Variants in TBC1D1 observed in about 807,000 individuals in gnomAD.
TBC1D1 encodes the protein TBC1 (tre-2/USP6, BUB2, cdc16) domain family, member 1.
A neutral mutation model predicts 125.6 loss-of-function variants in TBC1D1; 89 were observed. The observed-to-expected ratio is 0.71, with a 90% CI of 0.60 to 0.85. The LOEUF is 0.85. Ranked by LOEUF, TBC1D1 falls within the 40% of genes least tolerant of loss-of-function variation. TBC1D1 has a pLI of 0.00. For missense variants in TBC1D1, 1,377 were observed against 1,469.2 expected (o/e 0.94, Z 1.03); for synonymous variants, 565 against 564.1 (o/e 1.00, Z -0.02).
intron 8 of TBC1D1, 59 bp from the exon 9 acceptor site, chr4:38,044,303 A>T: frequency 1.9e-6 from 3 of 1,542,772 alleles, no homozygotes; most frequent in Middle Eastern, 1.7e-4. Context: ...GAGATTTTTC[A>T]TTCCTTTAAG....
chr4:37,934,695 G>C (rs1457821573), intron 2 of TBC1D1, among the ~76,000 whole-genome samples: 2 of 152,168 alleles, frequency 1.3e-5, no homozygotes, highest in Non-Finnish European at 2.9e-5. Context: ...CAGTGTAGGA[G>C]GGGCTTTCTT....
chr4:38,133,066 CT>C lies in TBC1D1; in HGVS notation c.3133-14del. On this transcript the variant is annotated splice_polypyrimidine_tract_variant and intron_variant, in intron 18 of 19. Coordinates refer to ENST00000261439, the MANE Select transcript of TBC1D1 (RefSeq NM_015173.4). ...TTTTCTCAGTTTTAGTACGTGATGA[CT>C]TTTCTTTCTATAACAGGTATTTGAA... 1.2e-6 allele frequency: 2 copies of C among 1,601,092 alleles called. No individual in the cohort carries two copies. The highest frequency in any genetic ancestry group is 2.3e-5 in the South Asian group (2 of 88,838).
rs114224449 is a variant in TBC1D1 at position 38,108,320 on chromosome 4, C to T, written c.2557+5163C>T. Among the ~76,000 whole-genome samples the T allele has an allele frequency of 8.9e-3, 1,359 of 152,312 alleles. 15 individuals carry two copies. Among genetic ancestry groups the T allele is most frequent in the African/African-American group, 0.03 (1,260 of 41,558 alleles). ...CCATCAGCTGCATTCCCCAGTGAGG[C>T]GTGCAGCCTCTCCCATGATAGGAGG... is the stretch of plus-strand genomic sequence containing the variant. On this transcript the variant is annotated intron_variant, in intron 15 of 19. Transcript: ENST00000261439.
intron 2 of TBC1D1, among the ~76,000 whole-genome samples, chr4:37,967,047 G>A (rs1001664067): frequency 3.3e-5 from 5 of 152,168 alleles, no homozygotes; most frequent in African/African-American, 1.2e-4. Context: ...GCAGAGGTTT[G>A]TGGCACCATT....
chr4:38,034,590 G>A (rs945099721), intron 7 of TBC1D1, among the ~76,000 whole-genome samples: 3 of 152,186 alleles, frequency 2.0e-5, no homozygotes, highest in East Asian at 1.9e-4. Flanking sequence ...GTTAGCTGGG[G>A]AAGAAGTGAC....
chr4:37,936,262 T>C (rs1399402837), intron 2 of TBC1D1, among the ~76,000 whole-genome samples: 1 of 152,158 alleles, frequency 6.6e-6, no homozygotes, highest in African/African-American at 2.4e-5. Context: ...AGAACAACAA[T>C]AATAAAATGG....
intron 2 of TBC1D1, among the ~76,000 whole-genome samples, chr4:37,949,982 CT>C (rs1417795300): frequency 6.6e-6 from 1 of 152,004 alleles, no homozygotes; most frequent in Non-Finnish European, 1.5e-5. Flanking sequence ...TTACCATACC[CT>C]TTTTTACTGG....
intron 7 of TBC1D1, among the ~76,000 whole-genome samples, chr4:38,033,764 T>A (rs1233945958): frequency 6.6e-6 from 1 of 152,220 alleles, no homozygotes; most frequent in Admixed American, 6.5e-5. Flanking sequence ...TTTTGCCTTT[T>A]CCAGCATGTC....
intron 2 of TBC1D1, among the ~76,000 whole-genome samples, chr4:37,989,630 A>G (rs1048718941): frequency 1.3e-5 from 2 of 152,258 alleles, no homozygotes; most frequent in East Asian, 1.9e-4. Flanking sequence ...CACATTCTGC[A>G]TGAATTAAAC....
chr4:38,075,983 C>T (rs1381654357), intron 12 of TBC1D1, among the ~76,000 whole-genome samples: 1 of 152,076 alleles, frequency 6.6e-6, no homozygotes, highest in Non-Finnish European at 1.5e-5. Context: ...TGTGATGGCA[C>T]CTTGCTTGTT....
chr4:38,088,836 AGAATC>A (rs1214459880), intron 12 of TBC1D1, among the ~76,000 whole-genome samples: 2 of 152,214 alleles, frequency 1.3e-5, no homozygotes, highest in Admixed American at 1.3e-4. Flanking sequence ...AGTTTTGATT[AGAATC>A]CCAGCAGCCT....
Position 38,138,456 on chromosome 4 carries a change from C to T in TBC1D1, c.*1121C>T, listed in dbSNP as rs1159286855. On this transcript the variant is annotated 3_prime_UTR_variant, in exon 20 of 20. Coordinates refer to ENST00000261439, the MANE Select transcript of TBC1D1 (RefSeq NM_015173.4). ...TCAGGGGTGCCCCAAGAGTCTGGGA[C>T]TTTCAAAAAAAAAAGATCAGGCTGA... 6.7e-6 allele frequency: 1 copy of T among 149,512 alleles called. No homozygotes were observed. The highest frequency in any genetic ancestry group is 1.5e-5 in the Non-Finnish European group (1 of 67,914). The allele number at this position is 149,512 out of a possible 1,614,324, so 9.3% of individuals were successfully genotyped here. A position where few individuals can be genotyped will look rare whatever the true frequency, so the allele number is the denominator to read the frequency against.
At chr4:37,901,906 G>A (rs1245683091) in intron 1 of TBC1D1, 97 bp from the exon 2 acceptor site, 3 of 549,652 alleles carry the variant, frequency 5.5e-6, no homozygotes, top group South Asian at 2.9e-5. Context: ...TTATATTTGG[G>A]TTTCAGGCTT....
intron 2 of TBC1D1, among the ~76,000 whole-genome samples, chr4:37,967,944 A>T (rs1241079457): frequency 6.6e-6 from 1 of 152,234 alleles, no homozygotes; most frequent in Non-Finnish European, 1.5e-5. Context: ...ACAAGCGCAC[A>T]GTGTTTTGAA....
chr4:37,998,340 T>A (rs1438558932), intron 2 of TBC1D1, among the ~76,000 whole-genome samples: 2 of 152,212 alleles, frequency 1.3e-5, no homozygotes, highest in Non-Finnish European at 2.9e-5. Flanking sequence ...TCATCCTTCC[T>A]CTGCTGTTAT....
At chr4:38,101,664 T>G (rs1760360988) in intron 14 of TBC1D1, among the ~76,000 whole-genome samples, 1 of 152,170 alleles carries the variant, frequency 6.6e-6, no homozygotes, top group Non-Finnish European at 1.5e-5. Context: ...CAGCTTATCT[T>G]GCAGAAAGAA....
chr4:37,909,156 C>A (rs1302748250), intron 2 of TBC1D1, among the ~76,000 whole-genome samples: 1 of 152,148 alleles, frequency 6.6e-6, no homozygotes, highest in Non-Finnish European at 1.5e-5. Flanking sequence ...AAGCACATCG[C>A]CTTTCCCAGT....
At chr4:37,917,904 C>T (rs147999562) in intron 2 of TBC1D1, among the ~76,000 whole-genome samples, 1 of 152,154 alleles carries the variant, frequency 6.6e-6, no homozygotes, top group African/African-American at 2.4e-5. Context: ...TTTATATACA[C>T]TAATAGATAC....
At chr4:37,924,632 C>T (rs1327265249) in intron 2 of TBC1D1, among the ~76,000 whole-genome samples, 1 of 152,188 alleles carries the variant, frequency 6.6e-6, no homozygotes, top group African/African-American at 2.4e-5. Context: ...CATATTTCTC[C>T]TTCTGTGTCT....
Sources: gnomAD v4.1 joint callset for allele counts (sites outside exome capture counted in the v4.1 genomes callset) on GRCh38, gnomAD v4.1.1 for gene constraint, MANE v1.5 for transcripts, NCBI Gene and HGNC (gene_info 2026-07-23, HGNC 2026-07-21) for gene names.